Variants in TOGARAM2 observed in about 807,000 individuals in gnomAD.
The protein encoded by TOGARAM2 is TOG array regulator of axonemal microtubules 2, also known as TOG array regulator of axonemal microtubules protein 2.
In TOGARAM2, 85 loss-of-function variants were observed where a neutral mutation model predicts 93.3. The observed-to-expected ratio is 0.91, with a 90% CI of 0.76 to 1.09. TOGARAM2 has a LOEUF of 1.09. TOGARAM2 is among the 50% of genes least tolerant of loss of function. The pLI is 0.00. For synonymous variants in TOGARAM2, 593 were observed against 552.8 expected, an observed-to-expected ratio of 1.07 and a Z score of -1.02; for missense variants, 1,277 against 1,334.5, an observed-to-expected ratio of 0.96 and a Z score of 0.67.
intron 14 of TOGARAM2, among the ~76,000 whole-genome samples, chr2:29,027,661 G>T (rs1009129158): frequency 5.3e-5 from 8 of 152,154 alleles, no homozygotes; most frequent in African/African-American, 1.9e-4. Context: ...GAGGGGCTGA[G>T]GTGGGAGGAT....
rs750021928 is a variant in TOGARAM2, at chr2:29,023,209, G to C, written c.1617+18G>C. On this transcript the variant is annotated intron_variant, in intron 12 of 19. Coordinates refer to ENST00000379558, the MANE Select transcript of TOGARAM2 (RefSeq NM_199280.4). ...CTGGGGAGGTGAGGCCCCCCAGCCT[G>C]TGTGCTGTGCATTTGGCCCCACTGC... The C allele has an allele frequency of 7.7e-6, 12 of 1,561,738 alleles. No homozygotes were observed. In the South Asian group the frequency reaches 1.4e-4, roughly 18 times the overall value.
chr2:29,018,536 TG>T, intron 10 of TOGARAM2: 1 of 152,148 alleles, frequency 6.6e-6, no homozygotes, highest in African/African-American at 2.4e-5. Context: ...ATTTTGCTAC[TG>T]AAAAAAACTT....
At chr2:29,026,016 A>G (rs1242948754) in intron 13 of TOGARAM2, among the ~76,000 whole-genome samples, 3 of 152,140 alleles carry the variant, frequency 2.0e-5, no homozygotes, top group African/African-American at 7.2e-5. Flanking sequence ...GGCCTGGAAC[A>G]TGCAGCTCAG....
chr2:29,040,250 A>T (rs367656380), intron 18 of TOGARAM2, among the ~76,000 whole-genome samples: 2 of 152,178 alleles, frequency 1.3e-5, no homozygotes, highest in African/African-American at 2.4e-5. Context: ...CCAGTTTCAC[A>T]TGCTACTGGG....
intron 6 of TOGARAM2, among the ~76,000 whole-genome samples, chr2:29,010,066 G>A (rs1553339978): frequency 1.3e-5 from 2 of 151,738 alleles, no homozygotes; most frequent in African/African-American, 2.4e-5. Flanking sequence ...TTGGGGGGGC[G>A]CAGAGCGGGG....
intron 1 of TOGARAM2, among the ~76,000 whole-genome samples, chr2:28,972,113 G>A (rs1671953279): frequency 1.3e-5 from 2 of 152,114 alleles, no homozygotes; most frequent in Non-Finnish European, 2.9e-5. Context: ...TTTTGAGACA[G>A]GGTCTCACTC....
At chr2:29,008,580 C>T (rs1345241327) in intron 6 of TOGARAM2, among the ~76,000 whole-genome samples, 1 of 152,192 alleles carries the variant, frequency 6.6e-6, no homozygotes, top group Non-Finnish European at 1.5e-5. Flanking sequence ...CCTCAGCCTC[C>T]CAAGTAGCTA....
At chr2:28,998,868 T>G (rs552134285) in intron 3 of TOGARAM2, among the ~76,000 whole-genome samples, 1 of 152,110 alleles carries the variant, frequency 6.6e-6, no homozygotes. Flanking sequence ...CCCTGGAGAT[T>G]GGTGGATGGT....
At chr2:28,985,716 GTC>G (rs1395787497) in intron 1 of TOGARAM2, among the ~76,000 whole-genome samples, 1 of 152,176 alleles carries the variant, frequency 6.6e-6, no homozygotes, top group Admixed American at 6.5e-5. Flanking sequence ...AGAAAAAGAT[GTC>G]TCTTTCTCAA....
chr2:28,990,444 T>C (rs558279799), intron 1 of TOGARAM2, among the ~76,000 whole-genome samples: 4 of 152,278 alleles, frequency 2.6e-5, no homozygotes, highest in Non-Finnish European at 5.9e-5. Flanking sequence ...CAGAGCATTC[T>C]GGGTCTCCCC....
intron 1 of TOGARAM2, among the ~76,000 whole-genome samples, chr2:28,992,207 C>T (rs1386631237): frequency 2.0e-5 from 3 of 152,232 alleles, no homozygotes; most frequent in African/African-American, 7.2e-5. Context: ...TCATTCAGTT[C>T]CTACAGGTCC....
intron 14 of TOGARAM2, among the ~76,000 whole-genome samples, chr2:29,032,190 C>T (rs1411922299): frequency 6.6e-6 from 1 of 152,190 alleles, no homozygotes; most frequent in Non-Finnish European, 1.5e-5. Context: ...TGAAGCCTAA[C>T]TCCTTCATGT....
chr2:28,994,338 A>T (rs1304532434), intron 1 of TOGARAM2, among the ~76,000 whole-genome samples: 1 of 152,202 alleles, frequency 6.6e-6, no homozygotes. Context: ...GCAGAGGCCA[A>T]CATCGCCATG....
intron 1 of TOGARAM2, among the ~76,000 whole-genome samples, chr2:28,982,135 A>G (rs1231442143): frequency 6.6e-6 from 1 of 152,158 alleles, no homozygotes; most frequent in Non-Finnish European, 1.5e-5. Context: ...GCTGTCTGTG[A>G]GCATGGAGAC....
At chr2:29,023,236 G>C in intron 12 of TOGARAM2, 45 bp downstream of exon 12, 2 of 1,443,276 alleles carry the variant, frequency 1.4e-6, no homozygotes, top group Non-Finnish European at 1.9e-6. Flanking sequence ...CCCCACTGCA[G>C]CTGCTGGATG....
Position 28,973,434 on chromosome 2 carries a change from TCCCTTCC to T in TOGARAM2, c.-147+16740_-147+16746del, listed in dbSNP as rs1558394754. Reference sequence around the variant, plus strand: ...TCCTTTCCTTCTTTCCTCCCTTCCTTCCCTTCCCCTTCCTTCCTTCCTTCCTTCCTTC... The same window carrying T: ...TCCTTTCCTTCTTTCCTCCCTTCCTTCCTTCCTTCCTTCCTTCCTTCCTTC... On this transcript the variant is annotated intron_variant, in intron 1 of 6. Transcript: ENST00000401723. Among the ~76,000 whole-genome samples the T allele has an allele frequency of 1.8e-3, 89 of 49,938 alleles. 1 individual carries two copies. The highest frequency in any genetic ancestry group is 4.6e-3 in the African/African-American group (83 of 17,948). 32.8% of individuals were successfully genotyped at this position (49,938 alleles called of 152,430 possible). A position where few individuals can be genotyped will look rare whatever the true frequency, so the allele number is the denominator to read the frequency against.
intron 1 of TOGARAM2, among the ~76,000 whole-genome samples, chr2:28,961,589 C>T (rs947825210): frequency 2.0e-5 from 3 of 152,198 alleles, no homozygotes; most frequent in African/African-American, 7.2e-5. Flanking sequence ...GATCTGCCCG[C>T]CTTGGCCTCC....
chr2:29,006,137 G>T, intron 6 of TOGARAM2, among the ~76,000 whole-genome samples: 1 of 144,688 alleles, frequency 6.9e-6, no homozygotes, highest in East Asian at 2.2e-4. Flanking sequence ...ATGTGTGTGA[G>T]AGCATGCATG....
intron 19 of TOGARAM2, chr2:29,047,824 C>A (rs1572799686): frequency 6.6e-6 from 1 of 151,734 alleles, no homozygotes; most frequent in Non-Finnish European, 1.5e-5. Context: ...ACGCCTCACT[C>A]TGTGGAAGAG....
Sources: allele counts gnomAD v4.1 joint callset (sites outside exome capture counted in the v4.1 genomes callset), GRCh38; gene constraint gnomAD v4.1.1; transcripts MANE v1.5; gene names NCBI Gene and HGNC (gene_info 2026-07-23, HGNC 2026-07-21).